Variants in THSD4 observed in about 807,000 individuals in gnomAD.
The protein encoded by THSD4 is thrombospondin type 1 domain containing 4, also known as thrombospondin type-1 domain-containing protein 4.
In THSD4, 69 loss-of-function variants were observed where a neutral mutation model predicts 119.0. The observed-to-expected ratio is 0.58, with a 90% CI of 0.48 to 0.71. THSD4 has a LOEUF of 0.71. THSD4 is among the 30% of genes least tolerant of loss of function. The pLI is 0.00. For missense variants in THSD4, 1,393 were observed against 1,391.1 expected, an observed-to-expected ratio of 1.00 and a Z score of -0.02; for synonymous variants, 524 against 540.4, an observed-to-expected ratio of 0.97 and a Z score of 0.42.
intron 7 of THSD4, among the ~76,000 whole-genome samples, chr15:71,656,456 A>G (rs1204008912): frequency 6.6e-6 from 1 of 152,238 alleles, no homozygotes; most frequent in Non-Finnish European, 1.5e-5. Context: ...ATAAAGTATA[A>G]TGTTAAAAGA....
At chr15:71,726,307 G>A (rs996219426) in intron 8 of THSD4, among the ~76,000 whole-genome samples, 1 of 152,192 alleles carries the variant, frequency 6.6e-6, no homozygotes, top group African/African-American at 2.4e-5. Flanking sequence ...CAGCCCCTCT[G>A]TGCAGTTTCT....
chr15:71,207,209 A>T (rs1451475642), intron 3 of THSD4, among the ~76,000 whole-genome samples: 1 of 152,174 alleles, frequency 6.6e-6, no homozygotes, highest in Non-Finnish European at 1.5e-5. Context: ...AATTGCTCTG[A>T]TAATTACCTC....
At chr15:71,566,206 C>A (rs1428254998) in intron 7 of THSD4, among the ~76,000 whole-genome samples, 2 of 147,954 alleles carry the variant, frequency 1.4e-5, no homozygotes, top group African/African-American at 5.0e-5. Context: ...TCTCTTAAGG[C>A]ACAGTTATTC....
At chr15:71,566,686 C>T (rs184849518) in intron 7 of THSD4, among the ~76,000 whole-genome samples, 6 of 152,204 alleles carry the variant, frequency 3.9e-5, no homozygotes, top group South Asian at 2.1e-4. Context: ...CTTCAAAGGC[C>T]GGGTCATTTT....
At chr15:71,364,876 C>A (rs1024516191) in intron 6 of THSD4, among the ~76,000 whole-genome samples, 1 of 152,128 alleles carries the variant, frequency 6.6e-6, no homozygotes, top group African/African-American at 2.4e-5. Flanking sequence ...ACAAATGGAA[C>A]TTGTATGCAT....
intron 7 of THSD4, among the ~76,000 whole-genome samples, chr15:71,570,706 A>G (rs1029237961): frequency 6.6e-6 from 1 of 152,234 alleles, no homozygotes; most frequent in African/African-American, 2.4e-5. Context: ...GAGTTTGTTC[A>G]GGTGAGTTGT....
At chr15:71,265,405 G>A (rs2044452335) in intron 6 of THSD4, among the ~76,000 whole-genome samples, 1 of 152,112 alleles carries the variant, frequency 6.6e-6, no homozygotes. Flanking sequence ...GTGCCTTGAG[G>A]AATGGTGCAC....
At chr15:71,668,996 T>C (rs559224324) in intron 8 of THSD4, among the ~76,000 whole-genome samples, 5 of 152,356 alleles carry the variant, frequency 3.3e-5, no homozygotes, top group African/African-American at 7.2e-5. Context: ...TTCATACTTA[T>C]ATAAATAATT....
intron 8 of THSD4, among the ~76,000 whole-genome samples, chr15:71,692,062 T>C (rs1290333194): frequency 6.6e-6 from 1 of 152,190 alleles, no homozygotes; most frequent in East Asian, 1.9e-4. Flanking sequence ...CATGGGTGTG[T>C]TCTCTATCCA....
rs773482190 is a variant in THSD4 at position 71,526,016 on chromosome 15, C to T, written c.1152+114193C>T. ...CAAGGAAATAAGAACCGACCCTATT[C>T]GGTTACATCTGCTCCTGGATATATT... On this transcript the variant is annotated intron_variant, in intron 7 of 17. Coordinates refer to ENST00000261862, the MANE Select transcript of THSD4 (RefSeq NM_024817.3). Among the ~76,000 whole-genome samples the T allele has an allele frequency of 6.6e-5, 10 of 152,262 alleles. No individual in the cohort carries two copies. In the South Asian group the frequency reaches 1.7e-3, roughly 25 times the overall value.
intron 4 of THSD4, among the ~76,000 whole-genome samples, chr15:71,235,165 A>G (rs2044093838): frequency 6.6e-6 from 1 of 152,212 alleles, no homozygotes; most frequent in South Asian, 2.1e-4. Context: ...GCCAGGAGAA[A>G]TAGAGGAGTA....
At chr15:71,424,189 A>G (rs1009100046) in intron 7 of THSD4, among the ~76,000 whole-genome samples, 2 of 152,022 alleles carry the variant, frequency 1.3e-5, no homozygotes, top group African/African-American at 4.8e-5. Flanking sequence ...TTTTTAATAA[A>G]TGGTTGTTAA....
chr15:71,421,919 T>G (rs2046814259), intron 7 of THSD4, among the ~76,000 whole-genome samples: 1 of 152,226 alleles, frequency 6.6e-6, no homozygotes, highest in African/African-American at 2.4e-5. Context: ...GGCTTACTGA[T>G]TCTTCTTTCT....
At chr15:71,723,082 T>TTC (rs1555445669) in intron 8 of THSD4, among the ~76,000 whole-genome samples, 2 of 151,304 alleles carry the variant, frequency 1.3e-5, no homozygotes, top group Non-Finnish European at 2.9e-5. Flanking sequence ...GTTTTTTTTT[T>TTC]CTCTATTTAA....
intron 7 of THSD4, among the ~76,000 whole-genome samples, chr15:71,637,366 C>T (rs2050764918): frequency 6.6e-6 from 1 of 152,064 alleles, no homozygotes; most frequent in African/African-American, 2.4e-5. Context: ...TGCAGTCAAG[C>T]CCTGAAGCCC....
intron 7 of THSD4, among the ~76,000 whole-genome samples, chr15:71,473,458 A>G (rs2047612555): frequency 6.6e-6 from 1 of 152,138 alleles, no homozygotes; most frequent in Non-Finnish European, 1.5e-5. Flanking sequence ...CTGAGCACGG[A>G]ATTACTTGGA....
chr15:71,215,029 C>A lies in THSD4; in HGVS notation c.100-6C>A. On this transcript the variant is annotated splice_polypyrimidine_tract_variant and splice_region_variant and intron_variant, in intron 3 of 17. Transcript: ENST00000261862. ...CTGGTCCCCTAACCTGCCTCTGTCT[C>A]CGCAGGTCCCGCAGCGGATGGCGGC... 7.9e-7 allele frequency: 1 copy of A among 1,266,832 alleles called. No individual in the cohort carries two copies. Among genetic ancestry groups the A allele is most frequent in the South Asian group, 3.1e-5 (1 of 32,136 alleles). The allele number at this position is 1,266,832 out of a possible 1,614,324, so 78.5% of individuals were successfully genotyped here.
At chr15:71,708,179 G>A (rs1388304144) in intron 8 of THSD4, among the ~76,000 whole-genome samples, 1 of 152,226 alleles carries the variant, frequency 6.6e-6, no homozygotes, top group Non-Finnish European at 1.5e-5. Context: ...ACTGCAGTCT[G>A]TGATTGAACG....
intron 7 of THSD4, among the ~76,000 whole-genome samples, chr15:71,447,455 T>A (rs979076609): frequency 6.6e-6 from 1 of 152,118 alleles, no homozygotes; most frequent in Non-Finnish European, 1.5e-5. Flanking sequence ...GCCAGGCTAA[T>A]TGTTGAATAC....
Sources: allele counts gnomAD v4.1 joint callset (sites outside exome capture counted in the v4.1 genomes callset), GRCh38; gene constraint gnomAD v4.1.1; transcripts MANE v1.5; gene names NCBI Gene and HGNC (gene_info 2026-07-23, HGNC 2026-07-21).